The following FAM219A variants were observed in gnomAD, a reference collection of about 807,000 sequenced individuals.
FAM219A encodes the protein family with sequence similarity 219 member A, also known as protein FAM219A.
In FAM219A, 7 loss-of-function variants were observed where a neutral mutation model predicts 23.4. The ratio of observed to expected loss-of-function variants is 0.30; its 90% confidence interval spans 0.17 to 0.56. The LOEUF is 0.56. Among genes scored for constraint, FAM219A ranks in the 20% least tolerant of loss-of-function variants. FAM219A has a pLI of 0.92. For synonymous variants in FAM219A, 93 were observed against 99.0 expected, an observed-to-expected ratio of 0.94 and a Z score of 0.36; for missense variants, 166 against 246.9, an observed-to-expected ratio of 0.67 and a Z score of 2.20.
Position 34,398,511 on chromosome 9 carries a change from TC to T in FAM219A, c.*2452del. The T allele has an allele frequency of 5.0e-6, 4 of 804,110 alleles. No homozygotes were observed. Among genetic ancestry groups the T allele is most frequent in the African/African-American group, 1.7e-5 (1 of 57,808 alleles). 49.8% of individuals were successfully genotyped at this position (804,110 alleles called of 1,614,324 possible). A position where few individuals can be genotyped will look rare whatever the true frequency, so the allele number is the denominator to read the frequency against. ...GACACAGAAGCTGCCACTGCCAGCT[TC>T]CTGCCTCTCTCTGCCACACATGCAC... On this transcript the variant is annotated 3_prime_UTR_variant, in exon 6 of 6. Coordinates refer to ENST00000651358, the MANE Select transcript of FAM219A (RefSeq NM_001184940.2).
chr9:34,411,676 C>CAA (rs55988337), intron 1 of FAM219A, among the ~76,000 whole-genome samples: 2 of 114,606 alleles, frequency 1.7e-5, no homozygotes, highest in Admixed American at 9.0e-5. Context: ...GACTCCGTCT[C>CAA]AAAAAAAAAA....
intron 2 of FAM219A, among the ~76,000 whole-genome samples, chr9:34,404,374 T>C (rs990715648): frequency 6.6e-6 from 1 of 151,584 alleles, no homozygotes; most frequent in African/African-American, 2.4e-5. Flanking sequence ...TGGGGGAGAG[T>C]AAAGAAGTTA....
intron 1 of FAM219A, among the ~76,000 whole-genome samples, chr9:34,418,658 A>G (rs968896180): frequency 6.6e-6 from 1 of 152,180 alleles, no homozygotes; most frequent in African/African-American, 2.4e-5. Context: ...TGTGACCTAC[A>G]AGGTCTTTGA....
At chr9:34,445,566 G>C (rs1823337769) in intron 1 of FAM219A, among the ~76,000 whole-genome samples, 1 of 152,174 alleles carries the variant, frequency 6.6e-6, no homozygotes, top group South Asian at 2.1e-4. Context: ...GAAGGACATG[G>C]CTGGACTTAC....
chr9:34,399,357 T>C lies in FAM219A; in HGVS notation c.*1607A>G, dbSNP rs1289292193. On this transcript the variant is annotated 3_prime_UTR_variant, in exon 6 of 6. Coordinates refer to ENST00000651358, the MANE Select transcript of FAM219A (RefSeq NM_001184940.2). Reference sequence around the variant, plus strand: ...CCTTCCTCACCTCTTCCCTCTTGATTTTCAGTCTCAGCTTTCCAGTCCCCT... The same window carrying C: ...CCTTCCTCACCTCTTCCCTCTTGATCTTCAGTCTCAGCTTTCCAGTCCCCT... The C allele has an allele frequency of 1.3e-5, 2 of 152,298 alleles. No homozygotes were observed. Among genetic ancestry groups the C allele is most frequent in the Non-Finnish European group, 2.9e-5 (2 of 68,176 alleles). 9.4% of individuals were successfully genotyped at this position (152,298 alleles called of 1,614,324 possible). A position where few individuals can be genotyped will look rare whatever the true frequency, so the allele number is the denominator to read the frequency against.
At chr9:34,452,004 G>A (rs1351379183) in intron 1 of FAM219A, among the ~76,000 whole-genome samples, 3 of 152,166 alleles carry the variant, frequency 2.0e-5, no homozygotes, top group South Asian at 2.1e-4. Context: ...TGACTAGAAC[G>A]ATGGTAAAAG....
intron 1 of FAM219A, among the ~76,000 whole-genome samples, chr9:34,416,273 G>GGAAGGAAGGAA (rs1822021123): frequency 1.8e-5 from 2 of 114,086 alleles, no homozygotes; most frequent in East Asian, 2.7e-4. Context: ...GAGGGAGGGA[G>GGAAGGAAGGAA]GGAAGGAAGG....
At chr9:34,439,978 C>T (rs183705224) in intron 1 of FAM219A, among the ~76,000 whole-genome samples, 87 of 152,286 alleles carry the variant, frequency 5.7e-4, no homozygotes, top group African/African-American at 2.0e-3. Context: ...CTTCTGTGAC[C>T]GCCCAGGAGA....
chr9:34,405,512 A>G lies in FAM219A; in HGVS notation c.160+353T>C, dbSNP rs540403977. 3.9e-5 allele frequency among the ~76,000 whole-genome samples: 6 copies of G among 152,304 alleles called. No individual in the cohort carries two copies. In the South Asian group the frequency reaches 1.2e-3, roughly 32 times the overall value. ...CTTTCCTTTCTATCCCTTAGACATA[A>G]CAAGTAACATCCCACTTCTAAGGCA... is the stretch of plus-strand genomic sequence containing the variant. On this transcript the variant is annotated intron_variant, in intron 2 of 5. Transcript: ENST00000651358.
At chr9:34,443,570 G>T (rs2132006874) in intron 1 of FAM219A, among the ~76,000 whole-genome samples, 1 of 152,242 alleles carries the variant, frequency 6.6e-6, no homozygotes, top group South Asian at 2.1e-4. Context: ...CCTTAGACCA[G>T]AAATAATATA....
At chr9:34,442,128 G>A (rs979433142) in intron 1 of FAM219A, among the ~76,000 whole-genome samples, 1 of 152,152 alleles carries the variant, frequency 6.6e-6, no homozygotes, top group African/African-American at 2.4e-5. Flanking sequence ...AAGGTAAACT[G>A]TGGCATACAC....
Position 34,400,916 on chromosome 9 carries a change from A to G in FAM219A, c.*48T>C, listed in dbSNP as rs1053477160. 2 of 1,485,054 alleles carry G rather than the reference A, an allele frequency of 1.3e-6. No homozygotes were observed. The highest frequency in any genetic ancestry group is 2.8e-5 in the African/African-American group (2 of 70,180). 92.0% of individuals were successfully genotyped at this position (1,485,054 alleles called of 1,614,324 possible). A position where few individuals can be genotyped will look rare whatever the true frequency, so the allele number is the denominator to read the frequency against. On this transcript the variant is annotated 3_prime_UTR_variant, in exon 6 of 6. Transcript: ENST00000651358. ...GAAGGGGTCGGCCTCTGCCCGTCCTACCCGGCCCTTGGCGGCCCCGCCCCG... is the reference window on the plus strand; with the variant it reads ...GAAGGGGTCGGCCTCTGCCCGTCCTGCCCGGCCCTTGGCGGCCCCGCCCCG...
chr9:34,402,260 C>T, intron 4 of FAM219A, 127 bp downstream of exon 4: 1 of 1,613,586 alleles, frequency 6.2e-7, no homozygotes. Flanking sequence ...GGAGAATTCA[C>T]CCTTGGAGAG....
chr9:34,402,490 T>G, intron 3 of FAM219A, 23 bp from the exon 4 acceptor site: 2 of 1,613,940 alleles, frequency 1.2e-6, no homozygotes, highest in South Asian at 2.2e-5. Context: ...TTTCGGGAGT[T>G]AGAGTGGCAA....
intron 1 of FAM219A, among the ~76,000 whole-genome samples, chr9:34,418,366 C>T (rs1282062467): frequency 1.3e-5 from 2 of 152,178 alleles, no homozygotes; most frequent in African/African-American, 4.8e-5. Flanking sequence ...CCAGAAAACC[C>T]TGTCATAAAA....
At chr9:34,413,096 G>A (rs1208600596) in intron 1 of FAM219A, among the ~76,000 whole-genome samples, 2 of 152,028 alleles carry the variant, frequency 1.3e-5, no homozygotes, top group African/African-American at 4.8e-5. Flanking sequence ...GAGGAATCAT[G>A]AGCAGATGGA....
intron 1 of FAM219A, among the ~76,000 whole-genome samples, chr9:34,455,346 T>A (rs1171045716): frequency 6.6e-6 from 1 of 151,948 alleles, no homozygotes; most frequent in Non-Finnish European, 1.5e-5. Flanking sequence ...GGCAAAAAAA[T>A]GAAATAGGTC....
intron 1 of FAM219A, among the ~76,000 whole-genome samples, chr9:34,424,978 G>A (rs1435111064): frequency 6.6e-6 from 1 of 151,936 alleles, no homozygotes; most frequent in East Asian, 2.0e-4. Flanking sequence ...CTAATTTTTT[G>A]TAGTTTTGGT....
At chr9:34,436,457 A>G (rs926966798) in intron 1 of FAM219A, among the ~76,000 whole-genome samples, 10 of 151,192 alleles carry the variant, frequency 6.6e-5, no homozygotes, top group Admixed American at 3.9e-4. Flanking sequence ...TGTTGCCCAG[A>G]CTGGTCTCAA....
Sources: gnomAD v4.1 joint callset for allele counts (sites outside exome capture counted in the v4.1 genomes callset) on GRCh38, gnomAD v4.1.1 for gene constraint, MANE v1.5 for transcripts, NCBI Gene and HGNC (gene_info 2026-07-23, HGNC 2026-07-21) for gene names.